The following ROCK2 variants were observed in gnomAD, a reference collection of about 807,000 sequenced individuals.
ROCK2 encodes Rho associated coiled-coil containing protein kinase 2.
In ROCK2, 61 loss-of-function variants were observed where a neutral mutation model predicts 195.1. The ratio of observed to expected loss-of-function variants is 0.31; its 90% CI spans 0.25 to 0.39. The LOEUF (loss-of-function observed/expected upper bound fraction) is 0.39. ROCK2 is among the 10% of genes least tolerant of loss of function. ROCK2 has a pLI of 1.00. For synonymous variants in ROCK2, 504 were observed against 545.5 expected (o/e 0.92, Z 1.06); for missense variants, 1,109 against 1,637.4 (o/e 0.68, Z 5.57).
intron 32 of ROCK2, among the ~76,000 whole-genome samples, chr2:11,187,573 G>A (rs910922674): frequency 6.6e-6 from 1 of 152,112 alleles, no homozygotes; most frequent in Non-Finnish European, 1.5e-5. Flanking sequence ...ATGCCTGCAT[G>A]CGCCTCATTA....
intron 3 of ROCK2, among the ~76,000 whole-genome samples, chr2:11,282,348 C>A (rs1275066389): frequency 6.6e-6 from 1 of 151,842 alleles, no homozygotes; most frequent in East Asian, 1.9e-4. Context: ...AAGATGCCGT[C>A]TCAAAAAATA....
chr2:11,242,012 T>C (rs564244437), intron 4 of ROCK2, among the ~76,000 whole-genome samples: 2 of 152,264 alleles, frequency 1.3e-5, no homozygotes, highest in South Asian at 2.1e-4. Context: ...TTCTACTGTG[T>C]GAGGACACAG....
chr2:11,285,511 C>T (rs1016898941), intron 3 of ROCK2, among the ~76,000 whole-genome samples: 6 of 152,002 alleles, frequency 3.9e-5, no homozygotes, highest in Non-Finnish European at 5.9e-5. Flanking sequence ...AATTGCACTA[C>T]CCTGATCTAC....
intron 1 of ROCK2, among the ~76,000 whole-genome samples, chr2:11,312,762 T>C (rs1280967219): frequency 1.3e-5 from 2 of 152,098 alleles, no homozygotes; most frequent in Non-Finnish European, 2.9e-5. Flanking sequence ...AATGATAAAC[T>C]GTGGTATATG....
At chr2:11,232,269 CAGGCA>C (rs1232916173) in intron 5 of ROCK2, among the ~76,000 whole-genome samples, 1 of 152,086 alleles carries the variant, frequency 6.6e-6, no homozygotes, top group African/African-American at 2.4e-5. Flanking sequence ...GCTGGGATTA[CAGGCA>C]TGCACCATCA....
At chr2:11,222,199 A>G (rs1365765041) in intron 7 of ROCK2, 25 bp from the exon 8 acceptor site, 3 of 1,328,912 alleles carry the variant, frequency 2.3e-6, no homozygotes, top group Non-Finnish European at 3.2e-6. Flanking sequence ...TAAAGATTGT[A>G]TTATTTAAAA....
chr2:11,218,128 T>C (rs1664496790), intron 11 of ROCK2: 1 of 202,660 alleles, frequency 4.9e-6, no homozygotes, highest in African/African-American at 2.3e-5. Context: ...AATAAAAATA[T>C]ACAGGCTAAT....
chr2:11,326,602 T>A (rs1403305704), intron 1 of ROCK2, among the ~76,000 whole-genome samples: 7 of 152,200 alleles, frequency 4.6e-5, no homozygotes, highest in Non-Finnish European at 2.9e-5. Context: ...TCTGACCATA[T>A]CATGCAGTAA....
chr2:11,261,223 A>G (rs562509014), intron 3 of ROCK2, among the ~76,000 whole-genome samples: 66 of 152,332 alleles, frequency 4.3e-4, no homozygotes, highest in African/African-American at 1.5e-3. Flanking sequence ...TAATCTACAG[A>G]GCAAACATTA....
At chr2:11,209,480 A>T (rs1664175845) in intron 18 of ROCK2, among the ~76,000 whole-genome samples, 1 of 152,216 alleles carries the variant, frequency 6.6e-6, no homozygotes, top group Non-Finnish European at 1.5e-5. Flanking sequence ...TAAAAAGCAA[A>T]ACGGTATAGA....
chr2:11,309,968 A>G (rs1029483000), intron 1 of ROCK2, among the ~76,000 whole-genome samples: 5 of 152,180 alleles, frequency 3.3e-5, no homozygotes, highest in African/African-American at 7.2e-5. Context: ...CCTGTCTCCA[A>G]AAAAAACAAA....
At chr2:11,323,239 GA>G (rs1668451481) in intron 1 of ROCK2, among the ~76,000 whole-genome samples, 1 of 152,134 alleles carries the variant, frequency 6.6e-6, no homozygotes, top group South Asian at 2.1e-4. Flanking sequence ...TACTGTCTTA[GA>G]AATCTACAGA....
intron 9 of ROCK2, 109 bp from the exon 10 acceptor site, chr2:11,219,135 T>TC: frequency 3.9e-6 from 2 of 513,374 alleles, no homozygotes; most frequent in East Asian, 6.4e-5. Flanking sequence ...TTCTCTCTTT[T>TC]CCCTTCAACA....
At chr2:11,243,865 T>C (rs540772413) in intron 4 of ROCK2, among the ~76,000 whole-genome samples, 2 of 152,346 alleles carry the variant, frequency 1.3e-5, no homozygotes, top group Non-Finnish European at 2.9e-5. Context: ...CATTCATACA[T>C]TTGTAATAAC....
chr2:11,207,086 AT>A (rs1664080748), intron 20 of ROCK2, among the ~76,000 whole-genome samples: 1 of 152,128 alleles, frequency 6.6e-6, no homozygotes, highest in Non-Finnish European at 1.5e-5. Flanking sequence ...TTTACTATAT[AT>A]TTTATCTTTT....
intron 5 of ROCK2, 100 bp from the exon 6 acceptor site, chr2:11,227,498 T>C: frequency 9.0e-7 from 1 of 1,115,624 alleles, no homozygotes. Flanking sequence ...AATGATTACA[T>C]ATTGCTAACC....
At chr2:11,228,577 T>C (rs1199494115) in intron 5 of ROCK2, among the ~76,000 whole-genome samples, 1 of 152,164 alleles carries the variant, frequency 6.6e-6, no homozygotes, top group Non-Finnish European at 1.5e-5. Flanking sequence ...AGTGCCTGAC[T>C]TCAAAAGGCA....
chr2:11,319,268 CTT>C (rs1668326250), intron 1 of ROCK2, among the ~76,000 whole-genome samples: 1 of 152,144 alleles, frequency 6.6e-6, no homozygotes, highest in Non-Finnish European at 1.5e-5. Context: ...CTTGTATCCT[CTT>C]TTATTTCGTT....
In ROCK2 at chr2:11,206,270, A is replaced by G. The variant is rs114182924; in HGVS notation, c.2549+1456T>C. 3.0e-3 allele frequency among the ~76,000 whole-genome samples: 462 copies of G among 152,290 alleles called. 2 individuals carry two copies. Among genetic ancestry groups the G allele is most frequent in the African/African-American group, 9.9e-3 (411 of 41,578 alleles). ...AGAGGTAAGGAAAAGAGGGACTAAG[A>G]AATAACAGAACGCCATTCACTTACA... On this transcript the variant is annotated intron_variant, in intron 20 of 32. Coordinates refer to ENST00000315872, the MANE Select transcript of ROCK2 (RefSeq NM_004850.5).
Sources: gnomAD v4.1 joint callset for allele counts (sites outside exome capture counted in the v4.1 genomes callset) on GRCh38, gnomAD v4.1.1 for gene constraint, MANE v1.5 for transcripts, NCBI Gene and HGNC (gene_info 2026-07-23, HGNC 2026-07-21) for gene names.